Variants in STARD13 observed in about 807,000 individuals in gnomAD.
STARD13 encodes StAR related lipid transfer domain containing 13.
A neutral mutation model predicts 106.4 loss-of-function variants in STARD13; 62 were observed. That is an observed-to-expected ratio of 0.58 (90% CI 0.48 to 0.72). STARD13 has a LOEUF of 0.72. Among genes scored for constraint, STARD13 ranks in the 30% least tolerant of loss-of-function variants. The pLI, the probability that STARD13 is intolerant of heterozygous loss-of-function variation, is 0.00. For synonymous variants in STARD13, 565 were observed against 553.0 expected, an observed-to-expected ratio of 1.02 and a Z score of -0.31; for missense variants, 1,387 against 1,424.0, an observed-to-expected ratio of 0.97 and a Z score of 0.42.
chr13:33,624,380 C>T, the STARD13 span, among the ~76,000 whole-genome samples: 3 of 152,226 alleles, frequency 2.0e-5, no homozygotes, highest in South Asian at 2.1e-4. Context: ...GGCCCCGCTG[C>T]GGGCAGAGTG....
intron 4 of STARD13, among the ~76,000 whole-genome samples, chr13:33,136,213 T>C (rs1296118940): frequency 6.6e-6 from 1 of 152,256 alleles, no homozygotes. Context: ...GATTTCTCTT[T>C]TAAAGTAAAC....
At chr13:33,352,275 TC>T (rs1316747830), upstream of STARD13, among the ~76,000 whole-genome samples, 3 of 152,194 alleles carry the variant, frequency 2.0e-5, no homozygotes, top group African/African-American at 7.2e-5. Flanking sequence ...AGAACAAGAC[TC>T]CTGTTGTCTT....
At chr13:33,619,625 T>A in the STARD13 span, among the ~76,000 whole-genome samples, 5 of 152,040 alleles carry the variant, frequency 3.3e-5, no homozygotes, top group African/African-American at 1.2e-4. Context: ...TTTAAAAGAA[T>A]ACTAAAAATT....
At chr13:33,675,546 C>T in the STARD13 span, among the ~76,000 whole-genome samples, 1 of 152,130 alleles carries the variant, frequency 6.6e-6, no homozygotes, top group Middle Eastern at 3.4e-3. Flanking sequence ...AAGCCCCTAT[C>T]AAGGATGAGA....
At chr13:33,330,281 T>C (rs1764388885) in intron 1 of STARD13, among the ~76,000 whole-genome samples, 1 of 152,234 alleles carries the variant, frequency 6.6e-6, no homozygotes, top group African/African-American at 2.4e-5. Context: ...TTTACAATAG[T>C]CACCCTAAAA....
intron 1 of STARD13, among the ~76,000 whole-genome samples, chr13:33,263,915 C>A (rs146780209): frequency 1.3e-5 from 2 of 152,258 alleles, no homozygotes; most frequent in East Asian, 1.9e-4. Flanking sequence ...CTGAGCAGAC[C>A]TTTATGGCTA....
chr13:33,295,082 G>A (rs193004291), intron 1 of STARD13, among the ~76,000 whole-genome samples: 107 of 152,220 alleles, frequency 7.0e-4, no homozygotes, highest in African/African-American at 1.7e-3. Flanking sequence ...GAATAAAGGC[G>A]CGGGAGGAAT....
chr13:33,110,229 A>G (rs1874336332), intron 11 of STARD13, 139 bp from the exon 12 acceptor site: 2 of 676,472 alleles, frequency 3.0e-6, no homozygotes, highest in Non-Finnish European at 5.1e-6. Context: ...TGAGAGTGAT[A>G]CTACATACCT....
chr13:33,205,196 C>T (rs575189903), intron 1 of STARD13, among the ~76,000 whole-genome samples: 2 of 152,316 alleles, frequency 1.3e-5, no homozygotes, highest in Admixed American at 1.3e-4. Context: ...ATGTATTAAA[C>T]ATAAATAGCA....
chr13:33,508,323 C>T, the STARD13 span, among the ~76,000 whole-genome samples: 18 of 152,132 alleles, frequency 1.2e-4, no homozygotes, highest in African/African-American at 2.2e-4. Context: ...GCTAACCCTG[C>T]GGATGCAGCC....
At chr13:33,567,196 T>C in the STARD13 span, among the ~76,000 whole-genome samples, 1 of 148,530 alleles carries the variant, frequency 6.7e-6, no homozygotes, top group Non-Finnish European at 1.5e-5. Context: ...TAGGCCCAAC[T>C]TTTTTGTCTC....
the STARD13 span, among the ~76,000 whole-genome samples, chr13:33,547,157 T>C: frequency 6.6e-6 from 1 of 152,228 alleles, no homozygotes; most frequent in African/African-American, 2.4e-5. Context: ...TGGCCATGTA[T>C]TGATCAGAAT....
chr13:33,258,571 T>C (rs964875558), intron 1 of STARD13, among the ~76,000 whole-genome samples: 3 of 152,238 alleles, frequency 2.0e-5, no homozygotes, highest in African/African-American at 7.2e-5. Flanking sequence ...CATTTCAGGC[T>C]ATTTCTAAAT....
At chr13:33,407,531 A>G in the STARD13 span, among the ~76,000 whole-genome samples, 1 of 152,230 alleles carries the variant, frequency 6.6e-6, no homozygotes, top group Non-Finnish European at 1.5e-5. Context: ...AAACAGCTTA[A>G]TTAATCATAA....
chr13:33,669,530 CTTT>C, the STARD13 span, among the ~76,000 whole-genome samples: 15 of 103,154 alleles, frequency 1.5e-4, no homozygotes, highest in African/African-American at 5.2e-4. Flanking sequence ...AGAGGATGTT[CTTT>C]TTTTTTTTTT....
intron 1 of STARD13, among the ~76,000 whole-genome samples, chr13:33,211,247 T>C (rs1399430281): frequency 6.6e-6 from 1 of 151,364 alleles, no homozygotes; most frequent in Admixed American, 6.6e-5. Flanking sequence ...AAAAATATTA[T>C]TTAAAATATC....
chr13:33,411,384 AT>A, the STARD13 span, among the ~76,000 whole-genome samples: 1 of 152,084 alleles, frequency 6.6e-6, no homozygotes, highest in East Asian at 1.9e-4. Flanking sequence ...TTTAACTGGG[AT>A]TTCCTCTGAT....
chr13:33,603,673 C>T, the STARD13 span, among the ~76,000 whole-genome samples: 8 of 152,014 alleles, frequency 5.3e-5, no homozygotes, highest in African/African-American at 1.7e-4. Flanking sequence ...TTGATCTCAG[C>T]CAAGTGATAA....
chr13:33,117,816 A>G (rs7326364), intron 8 of STARD13: 376,961 of 982,034 alleles, frequency 0.38, 75,351 homozygotes, highest in African/African-American at 0.65. Flanking sequence ...GTTTTAGATC[A>G]TACACAAAAC....
Sources: allele counts gnomAD v4.1 joint callset (sites outside exome capture counted in the v4.1 genomes callset), GRCh38; gene constraint gnomAD v4.1.1; transcripts MANE v1.5; gene names NCBI Gene and HGNC (gene_info 2026-07-23, HGNC 2026-07-21).